The following LETM1 variants were observed in gnomAD, a reference collection of about 807,000 sequenced individuals.
The protein encoded by LETM1 is mitochondrial proton/calcium exchanger protein.
Under a neutral mutation model 74.5 loss-of-function variants are expected in LETM1, and 50 were observed. That is an observed-to-expected ratio of 0.67 (90% confidence interval 0.53 to 0.85). LETM1 has a LOEUF of 0.85. LETM1 is among the 40% of genes least tolerant of loss of function. The pLI is 0.00. For synonymous variants in LETM1, 446 were observed against 407.1 expected (o/e 1.10, Z -1.15); for missense variants, 824 against 967.8 (o/e 0.85, Z 1.97).
At chr4:1,827,107 C>T (rs527894262) in intron 6 of LETM1, among the ~76,000 whole-genome samples, 159 of 152,274 alleles carry the variant, frequency 1.0e-3, no homozygotes, top group Non-Finnish European at 2.1e-3. Flanking sequence ...CCTGCTGCGC[C>T]GAGGTACTTT....
In LETM1 at chr4:1,814,501, C is replaced by T; in HGVS notation, c.2143G>A (p.Glu715Lys). The T allele has an allele frequency of 1.2e-6, 2 of 1,614,088 alleles. No homozygotes were observed. The highest frequency in any genetic ancestry group is 1.7e-6 in the Non-Finnish European group (2 of 1,179,932). ...TTCTCCTCCACCTTCTCCTCTTTTTCCAGTGTTGCTACAATCTCAGCCACC... is the reference window on the plus strand; with the variant it reads ...TTCTCCTCCACCTTCTCCTCTTTTTTCAGTGTTGCTACAATCTCAGCCACC... The part of the protein sequence containing the change: ...SQVAEIVATL[E>K]KEEKVEEKEK... Residue 715 changes from glutamate to lysine, a missense_variant, in exon 14 of 14, where the codon GAA (glutamate) becomes AAA (lysine). Physicochemically the swap from Glu to Lys is moderately conservative, Grantham distance 56. Coordinates refer to ENST00000302787, the MANE Select transcript of LETM1 (RefSeq NM_012318.3).
At chr4:1,821,235 G>A (rs1166367944) in intron 10 of LETM1, among the ~76,000 whole-genome samples, 1 of 151,504 alleles carries the variant, frequency 6.6e-6, no homozygotes, top group African/African-American at 2.4e-5. Flanking sequence ...TGGGACTACA[G>A]GTGCATGCCA....
rs57462521 is a variant in LETM1, at chr4:1,840,709, TA to T, written c.594+637del. 1.1e-3 allele frequency among the ~76,000 whole-genome samples: 160 copies of T among 143,218 alleles called. 1 individual carries two copies. In the East Asian group the frequency reaches 0.029, roughly 26 times the overall value. 94.0% of individuals were successfully genotyped at this position (143,218 alleles called of 152,430 possible). On this transcript the variant is annotated intron_variant, in intron 3 of 13. Transcript: ENST00000302787. Reference sequence around the variant, plus strand: ...CAAATAAATATAAAAATAATAATAATAAAAAAAAAACGAAGCGGGGGTGGTG... The same window carrying T: ...CAAATAAATATAAAAATAATAATAATAAAAAAAAACGAAGCGGGGGTGGTG...
At chr4:1,814,648 C>A in intron 13 of LETM1, 75 bp from the exon 14 acceptor site, 1 of 1,327,678 alleles carries the variant, frequency 7.5e-7, no homozygotes, top group Non-Finnish European at 1.1e-6. Context: ...GGGCCAGCGC[C>A]GTCAGTCGCC....
At chr4:1,828,652 C>A (rs1712120402) in intron 6 of LETM1, among the ~76,000 whole-genome samples, 2 of 138,524 alleles carry the variant, frequency 1.4e-5, no homozygotes, top group South Asian at 4.5e-4. Flanking sequence ...CGCCCCCCAC[C>A]TCCCGGACGG....
rs191142462 is a variant in LETM1 at position 1,849,515 on chromosome 4, G to A, written c.83-306C>T. 4.6e-5 allele frequency among the ~76,000 whole-genome samples: 7 copies of A among 152,188 alleles called. No individual in the cohort carries two copies. The East Asian group carries it at 9.7e-4, about 21-fold the overall frequency. On this transcript the variant is annotated intron_variant, in intron 1 of 13. Transcript: ENST00000302787. The stretch of plus-strand genomic sequence containing the variant: ...ACTGCCGACCTCAGGTGATCCGCCC[G>A]CCTTGGCCTCCCAAAGTGCTGGGAT...
chr4:1,855,100 T>TA (rs767702903), intron 1 of LETM1, among the ~76,000 whole-genome samples: 5 of 152,114 alleles, frequency 3.3e-5, no homozygotes, highest in African/African-American at 4.8e-5. Context: ...GGCAGAAGGA[T>TA]AGCTTGAGCC....
intron 6 of LETM1, among the ~76,000 whole-genome samples, chr4:1,829,727 G>A (rs920838502): frequency 1.3e-5 from 2 of 152,202 alleles, no homozygotes; most frequent in African/African-American, 4.8e-5. Flanking sequence ...GGCTGAGGTG[G>A]GAGGATGGCT....
At chr4:1,823,837 G>A in intron 7 of LETM1, 62 bp from the exon 8 acceptor site, 1 of 1,541,738 alleles carries the variant, frequency 6.5e-7, no homozygotes, top group South Asian at 1.3e-5. Flanking sequence ...CCCACAGCAG[G>A]TCCGCCCATC....
At chr4:1,824,024 C>CT in intron 7 of LETM1, among the ~76,000 whole-genome samples, 1 of 152,326 alleles carries the variant, frequency 6.6e-6, no homozygotes, top group South Asian at 2.1e-4. Context: ...CAACTCTTCA[C>CT]TTAAAAACAC....
intron 6 of LETM1, among the ~76,000 whole-genome samples, chr4:1,828,217 C>T (rs1162067206): frequency 1.9e-5 from 2 of 107,046 alleles, no homozygotes; most frequent in Admixed American, 9.5e-5. Context: ...GCTGGCCGGG[C>T]GGGGGGGGCT....
intron 5 of LETM1, chr4:1,833,269 T>C (rs1272211559): frequency 6.0e-6 from 2 of 333,556 alleles, no homozygotes; most frequent in Admixed American, 4.3e-5. Context: ...GGGATTTCAC[T>C]ATGTTGGCCA....
At chr4:1,838,654 G>A (rs899990931) in intron 3 of LETM1, among the ~76,000 whole-genome samples, 4 of 152,310 alleles carry the variant, frequency 2.6e-5, no homozygotes, top group African/African-American at 9.6e-5. Flanking sequence ...CTCCAGCCTG[G>A]GTGGGGGAGC....
At chr4:1,828,504 G>T (rs1712105643) in intron 6 of LETM1, among the ~76,000 whole-genome samples, 1 of 119,690 alleles carries the variant, frequency 8.4e-6, no homozygotes, top group African/African-American at 3.5e-5. Flanking sequence ...GGGCAGGGGG[G>T]CTGACCCCCC....
At chr4:1,855,356 T>A (rs562760061) in intron 1 of LETM1, among the ~76,000 whole-genome samples, 1 of 152,240 alleles carries the variant, frequency 6.6e-6, no homozygotes, top group African/African-American at 2.4e-5. Flanking sequence ...GGAGTCCCCG[T>A]GTTCCCCGGG....
At chr4:1,832,646 T>A (rs1247110021) in intron 6 of LETM1, 98 bp downstream of exon 6, 280 of 1,210,516 alleles carry the variant, frequency 2.3e-4, no homozygotes, top group Non-Finnish European at 2.5e-4. Context: ...TCGTTCAGCA[T>A]CTTCCAGAGT....
At chr4:1,823,444 G>T (rs916798919) in intron 8 of LETM1, among the ~76,000 whole-genome samples, 200 bp downstream of exon 8, 1 of 152,174 alleles carries the variant, frequency 6.6e-6, no homozygotes, top group Non-Finnish European at 1.5e-5. Flanking sequence ...GTGCCACACG[G>T]GGGATGGCAG....
rs1216052611 is a variant in LETM1, at chr4:1,856,093, TCTC to T, written c.-146_-144del. 9.0e-5 allele frequency: 37 copies of T among 411,496 alleles called. No homozygotes were observed. The South Asian group carries it at 2.1e-3, about 24-fold the overall frequency. 25.5% of individuals were successfully genotyped at this position (411,496 alleles called of 1,614,324 possible). On this transcript the variant is annotated 5_prime_UTR_variant, in exon 1 of 14. Coordinates refer to ENST00000302787, the MANE Select transcript of LETM1 (RefSeq NM_012318.3). ...GCGGCTGGCCTCGGACGGGAGGCGC[TCTC>T]CTCAAGGACCCGGCACCAGCGGCGG...
Position 1,828,514 on chromosome 4 carries a change from C to G in LETM1, c.1081-2831G>C, listed in dbSNP as rs1272684723. On this transcript the variant is annotated intron_variant, in intron 6 of 13. Transcript: ENST00000302787. ...TGGCCGGGCAGGGGGGCTGACCCCC[C>G]CCCCCACCTCCCTCCCGGACGGGGC... is the stretch of plus-strand genomic sequence containing the variant. Among the ~76,000 whole-genome samples the G allele has an allele frequency of 2.4e-5, 3 of 126,782 alleles. No homozygotes were observed. In the East Asian group the frequency reaches 7.6e-4, roughly 32 times the overall value. The allele number at this position is 126,782 out of a possible 152,430, so 83.2% of individuals were successfully genotyped here.
Sources: allele counts gnomAD v4.1 joint callset (sites outside exome capture counted in the v4.1 genomes callset), GRCh38; gene constraint gnomAD v4.1.1; transcripts MANE v1.5; gene names NCBI Gene and HGNC (gene_info 2026-07-23, HGNC 2026-07-21).